VTI1A: variants seen among roughly 807,000 people sequenced by gnomAD.
VTI1A encodes vesicle transport through interaction with t-SNAREs 1A.
A neutral mutation model predicts 34.9 loss-of-function variants in VTI1A; 22 were observed. The ratio of observed to expected loss-of-function variants is 0.63; its 90% CI spans 0.45 to 0.90. The LOEUF is 0.90. VTI1A is among the 40% of genes least tolerant of loss of function. The pLI is 0.00. For synonymous variants in VTI1A, 87 were observed against 97.3 expected, an observed-to-expected ratio of 0.89 and a Z score of 0.62; for missense variants, 268 against 275.6, an observed-to-expected ratio of 0.97 and a Z score of 0.20.
chr10:112,820,994 C>T (rs774188485), downstream of VTI1A, among the ~76,000 whole-genome samples: 6 of 152,260 alleles, frequency 3.9e-5, no homozygotes, highest in Non-Finnish European at 8.8e-5. Flanking sequence ...TCCAGGGCCC[C>T]CTGCCCCAGT....
intron 5 of VTI1A, among the ~76,000 whole-genome samples, chr10:112,577,381 A>G (rs1843748955): frequency 6.6e-6 from 1 of 152,230 alleles, no homozygotes; most frequent in African/African-American, 2.4e-5. Context: ...ATACCAGTCA[A>G]GCTTTCCCTA....
At chr10:112,562,536 G>A (rs1211389454) in intron 5 of VTI1A, among the ~76,000 whole-genome samples, 1 of 151,966 alleles carries the variant, frequency 6.6e-6, no homozygotes, top group Non-Finnish European at 1.5e-5. Context: ...GTGTGTGTGT[G>A]TGTATATACA....
chr10:112,615,491 C>G (rs141667097), intron 5 of VTI1A, among the ~76,000 whole-genome samples: 2 of 152,132 alleles, frequency 1.3e-5, no homozygotes, highest in Non-Finnish European at 2.9e-5. Context: ...GGCCCTATTA[C>G]GTGGCAGACA....
the VTI1A span, chr10:112,827,837 C>T: frequency 6.6e-6 from 1 of 152,128 alleles, no homozygotes; most frequent in African/African-American, 2.4e-5. Context: ...AGTTTTTGGA[C>T]TGTGAATTAG....
intron 7 of VTI1A, among the ~76,000 whole-genome samples, chr10:112,794,467 G>A (rs1327581739): frequency 2.0e-5 from 3 of 152,060 alleles, no homozygotes; most frequent in Non-Finnish European, 2.9e-5. Flanking sequence ...TGGGAGGACT[G>A]CTTGAGCCCA....
chr10:112,466,726 T>C (rs935497290), intron 3 of VTI1A, among the ~76,000 whole-genome samples: 1 of 152,192 alleles, frequency 6.6e-6, no homozygotes, highest in Non-Finnish European at 1.5e-5. Flanking sequence ...ATTTTTCTTA[T>C]GGGTTCTAGA....
At chr10:112,764,935 G>T (rs1355898212) in intron 7 of VTI1A, among the ~76,000 whole-genome samples, 1 of 152,158 alleles carries the variant, frequency 6.6e-6, no homozygotes, top group African/African-American at 2.4e-5. Context: ...ATGACTAAGG[G>T]TGGCATTGCT....
chr10:112,551,078 C>G (rs1346266262), intron 5 of VTI1A, among the ~76,000 whole-genome samples: 1 of 151,990 alleles, frequency 6.6e-6, no homozygotes, highest in Non-Finnish European at 1.5e-5. Flanking sequence ...CCCGTCTCTA[C>G]TAAAAATACA....
chr10:112,849,436 G>T, the VTI1A span, among the ~76,000 whole-genome samples: 8 of 152,124 alleles, frequency 5.3e-5, no homozygotes, highest in African/African-American at 1.9e-4. Context: ...GGGCAACCTC[G>T]CTCCTTCCTC....
At chr10:112,485,144 G>C (rs549089672) in intron 3 of VTI1A, 1 of 152,068 alleles carries the variant, frequency 6.6e-6, no homozygotes. Flanking sequence ...TTAGCTGGGC[G>C]TGGTGGCAGG....
chr10:112,700,123 A>G, intron 7 of VTI1A, among the ~76,000 whole-genome samples: 1 of 140,102 alleles, frequency 7.1e-6, no homozygotes, highest in East Asian at 1.9e-4. Context: ...ATCTCAAAAA[A>G]AAAAAAAAAA....
Position 112,538,262 on chromosome 10 carries a change from A to G in VTI1A, c.359A>G (p.Asp120Gly), listed in dbSNP as rs1329171201. The G allele has an allele frequency of 1.9e-6, 3 of 1,613,302 alleles. No individual in the cohort carries two copies. Among genetic ancestry groups the G allele is most frequent in the Non-Finnish European group, 2.5e-6 (3 of 1,179,758 alleles). Residue 120 changes from aspartate to glycine, a missense_variant, in exon 5 of 8, where the codon GAT becomes GGT. Transcript: ENST00000393077. The part of the protein sequence containing the change: ...SSENQRAHLL[D>G]NTERLERSSR... ...CTTTTTCAGAGGGCACATCTGCTCG[A>G]TAACACAGAGAGGCTGGAAAGGTCA...
intron 7 of VTI1A, among the ~76,000 whole-genome samples, chr10:112,787,698 C>CTTTTTTTTTTTTTT (rs34862909): frequency 2.9e-5 from 3 of 103,280 alleles, no homozygotes; most frequent in African/African-American, 1.2e-4. Context: ...TTTTTCTTTT[C>CTTTTTTTTTTTTTT]TTTTTTTTTT....
At chr10:112,809,365 G>A (rs1853205743) in intron 7 of VTI1A, among the ~76,000 whole-genome samples, 1 of 152,174 alleles carries the variant, frequency 6.6e-6, no homozygotes, top group Non-Finnish European at 1.5e-5. Context: ...CCATGTTTTG[G>A]GAAGTGCCTA....
chr10:112,814,027 T>A (rs1853418844), intron 7 of VTI1A, among the ~76,000 whole-genome samples: 1 of 152,188 alleles, frequency 6.6e-6, no homozygotes, highest in Non-Finnish European at 1.5e-5. Flanking sequence ...CCGTTTAGGT[T>A]TGGAGAAGAA....
chr10:112,673,483 C>CAT (rs34420570), intron 7 of VTI1A, among the ~76,000 whole-genome samples: 3 of 151,848 alleles, frequency 2.0e-5, no homozygotes, highest in African/African-American at 7.3e-5. Context: ...CACACACACA[C>CAT]GCACTCAGAT....
At chr10:112,685,513 C>T (rs1206641776) in intron 7 of VTI1A, among the ~76,000 whole-genome samples, 1 of 152,092 alleles carries the variant, frequency 6.6e-6, no homozygotes, top group Non-Finnish European at 1.5e-5. Context: ...TGGTTCTTAC[C>T]TTACCGTTTT....
intron 5 of VTI1A, among the ~76,000 whole-genome samples, chr10:112,613,696 AAGTG>A (rs1287915970): frequency 6.6e-6 from 1 of 152,190 alleles, no homozygotes; most frequent in East Asian, 1.9e-4. Context: ...ATCCAAAACT[AAGTG>A]AGAAGAATTT....
the VTI1A span, among the ~76,000 whole-genome samples, chr10:112,851,662 C>T: frequency 2.6e-5 from 4 of 152,124 alleles, no homozygotes; most frequent in Non-Finnish European, 4.4e-5. Flanking sequence ...GGGATGTGAG[C>T]GCAGGAATTG....
Sources: gnomAD v4.1 joint callset for allele counts (sites outside exome capture counted in the v4.1 genomes callset) on GRCh38, gnomAD v4.1.1 for gene constraint, MANE v1.5 for transcripts, NCBI Gene and HGNC (gene_info 2026-07-23, HGNC 2026-07-21) for gene names.